Variants in TPX2 observed in about 807,000 individuals in gnomAD.
The protein encoded by TPX2 is TPX2 microtubule nucleation factor, also known as targeting protein for Xklp2.
In TPX2, 21 loss-of-function variants were observed where a neutral mutation model predicts 93.6. The ratio of observed to expected loss-of-function variants is 0.22; its 90% CI spans 0.16 to 0.32. The LOEUF (loss-of-function observed/expected upper bound fraction) is 0.32, where lower values mean the gene tolerates loss of function less well. Among genes scored for constraint, TPX2 ranks in the 10% least tolerant of loss-of-function variants. The probability of loss-of-function intolerance (pLI) is 1.00; values close to 1 mark genes in which losing one functional copy is unlikely to be tolerated. For synonymous variants in TPX2, 281 were observed against 298.3 expected (o/e 0.94, Z 0.60); for missense variants, 776 against 871.1 (o/e 0.89, Z 1.37).
chr20:31,751,852 C>G (rs1041236474), intron 2 of TPX2, among the ~76,000 whole-genome samples: 6 of 152,202 alleles, frequency 3.9e-5, no homozygotes, highest in Admixed American at 1.3e-4. Flanking sequence ...AAGTGATTCT[C>G]CTGCCTCAGC....
At chr20:31,791,816 T>C (rs2062103484) in intron 12 of TPX2, among the ~76,000 whole-genome samples, 1 of 152,292 alleles carries the variant, frequency 6.6e-6, no homozygotes, top group Admixed American at 6.5e-5. Flanking sequence ...AAGAAATTAC[T>C]GAGGTTTTGT....
intron 4 of TPX2, among the ~76,000 whole-genome samples, chr20:31,762,537 A>T (rs2061896376): frequency 6.6e-6 from 1 of 151,888 alleles, no homozygotes; most frequent in South Asian, 2.1e-4. Flanking sequence ...TTTAGTAGAG[A>T]TGGGGTTTCG....
intron 4 of TPX2, 38 bp from the exon 5 acceptor site, chr20:31,766,518 T>G: frequency 6.3e-7 from 1 of 1,583,550 alleles, no homozygotes; most frequent in Non-Finnish European, 8.6e-7. Context: ...TTATTTTCCT[T>G]GGCCTTTGAG....
At chr20:31,797,343 T>C in intron 15 of TPX2, 61 bp from the exon 16 acceptor site, 1 of 1,448,220 alleles carries the variant, frequency 6.9e-7, no homozygotes, top group South Asian at 1.2e-5. Flanking sequence ...ACTTAAGTTA[T>C]TGAGGTAGTG....
intron 12 of TPX2, among the ~76,000 whole-genome samples, chr20:31,786,403 T>G (rs1455856092): frequency 8.4e-6 from 1 of 118,358 alleles, no homozygotes; most frequent in Non-Finnish European, 1.8e-5. Context: ...AACTACTGTT[T>G]TTTTTTTTTT....
chr20:31,798,301 C>T (rs2062150357), intron 16 of TPX2, 64 bp from the exon 17 acceptor site: 1 of 1,603,194 alleles, frequency 6.2e-7, no homozygotes, highest in East Asian at 2.2e-5. Context: ...TTGCTCATTC[C>T]AGGGGGCGTA....
intron 12 of TPX2, among the ~76,000 whole-genome samples, chr20:31,791,098 G>A (rs1179024388): frequency 1.3e-5 from 2 of 152,128 alleles, no homozygotes; most frequent in African/African-American, 2.4e-5. Context: ...GTTCGTTGTG[G>A]TTGCAACGTG....
At chr20:31,740,357 C>T (rs909011593) in intron 1 of TPX2, among the ~76,000 whole-genome samples, 1 of 152,178 alleles carries the variant, frequency 6.6e-6, no homozygotes, top group Non-Finnish European at 1.5e-5. Context: ...TTCTCTCACT[C>T]ATCAAATGTT....
chr20:31,789,190 G>T (rs1002004744), intron 12 of TPX2, among the ~76,000 whole-genome samples: 1 of 152,162 alleles, frequency 6.6e-6, no homozygotes, highest in Non-Finnish European at 1.5e-5. Context: ...AAATTTGGAA[G>T]TATTTAATTT....
At chr20:31,755,088 A>G (rs1311624369) in intron 2 of TPX2, among the ~76,000 whole-genome samples, 1 of 152,092 alleles carries the variant, frequency 6.6e-6, no homozygotes, top group Non-Finnish European at 1.5e-5. Flanking sequence ...AGCTGGGATT[A>G]CAGGTGCCCA....
At chr20:31,778,155 A>C (rs1356427803) in intron 9 of TPX2, among the ~76,000 whole-genome samples, 1 of 152,240 alleles carries the variant, frequency 6.6e-6, no homozygotes, top group Non-Finnish European at 1.5e-5. Context: ...GAGCACCAAC[A>C]AAATCAGTAA....
At chr20:31,745,677 G>A (rs952865156) in intron 2 of TPX2, among the ~76,000 whole-genome samples, 12 of 152,138 alleles carry the variant, frequency 7.9e-5, no homozygotes, top group African/African-American at 2.7e-4. Context: ...CCCCAAACCA[G>A]ATACCTTTTG....
chr20:31,798,394 C>G lies in TPX2; in HGVS notation c.1975C>G (p.Pro659Ala), dbSNP rs753030367. The G allele has an allele frequency of 1.2e-6, 2 of 1,613,986 alleles. No homozygotes were observed. The highest frequency in any genetic ancestry group is 1.1e-5 in the South Asian group (1 of 91,076). The change falls in exon 17 of 18, where the codon CCT becomes GCT. Residue 659 changes from proline (P) to alanine (A), a missense_variant. By Grantham distance (27) the Pro-to-Ala change is conservative. Around this residue, in one of 3 missense-constraint regions of TPX2, gnomAD observed 461 missense variants for 551.2 expected, o/e 0.84. Coordinates refer to ENST00000300403, the MANE Select transcript of TPX2 (RefSeq NM_012112.5). ...EGLSGSLVQE[P>A]FQLATEKRAK... ...CCTTTCTGGTTCTCTAGTTCAGGAACCTTTTCAGCTGGCTACTGAGAAGAG... is the reference window on the plus strand; with the variant it reads ...CCTTTCTGGTTCTCTAGTTCAGGAAGCTTTTCAGCTGGCTACTGAGAAGAG...
chr20:31,744,335 T>G (rs954999871), intron 2 of TPX2, among the ~76,000 whole-genome samples: 1 of 151,532 alleles, frequency 6.6e-6, no homozygotes, highest in Non-Finnish European at 1.5e-5. Flanking sequence ...GCTATTTTTG[T>G]GTTTTTAGTA....
At chr20:31,744,399 C>T (rs1296879735) in intron 2 of TPX2, among the ~76,000 whole-genome samples, 1 of 152,050 alleles carries the variant, frequency 6.6e-6, no homozygotes, top group Non-Finnish European at 1.5e-5. Flanking sequence ...ACCTCATGAT[C>T]TGCCCACCTC....
At chr20:31,778,057 G>T (rs542669734) in intron 9 of TPX2, among the ~76,000 whole-genome samples, 15 of 152,244 alleles carry the variant, frequency 9.9e-5, no homozygotes, top group African/African-American at 3.1e-4. Context: ...TTACAAGTGT[G>T]AGCCATCATG....
At chr20:31,790,851 G>A (rs2062095898) in intron 12 of TPX2, among the ~76,000 whole-genome samples, 1 of 152,110 alleles carries the variant, frequency 6.6e-6, no homozygotes, top group African/African-American at 2.4e-5. Context: ...AAATAAATAA[G>A]TGCAATTAAG....
At chr20:31,748,325 C>A (rs191775151) in intron 2 of TPX2, among the ~76,000 whole-genome samples, 66 of 152,182 alleles carry the variant, frequency 4.3e-4, no homozygotes, top group Non-Finnish European at 7.8e-4. Context: ...CTGCTTGAAC[C>A]CTCTTCATAG....
chr20:31,777,829 T>G (rs1467229111), intron 9 of TPX2, among the ~76,000 whole-genome samples, 191 bp downstream of exon 9: 1 of 150,790 alleles, frequency 6.6e-6, no homozygotes, highest in Non-Finnish European at 1.5e-5. Flanking sequence ...CAGGCTGGAG[T>G]GCAATGGCAC....
Sources: gnomAD v4.1 joint callset for allele counts (sites outside exome capture counted in the v4.1 genomes callset) on GRCh38, gnomAD v4.1.1 for gene constraint, gnomAD v4.1.1 regional missense constraint, MANE v1.5 for transcripts, NCBI Gene and HGNC (gene_info 2026-07-23, HGNC 2026-07-21) for gene names.